The following DNTT variants were observed in gnomAD, a reference collection of about 807,000 sequenced individuals.
DNTT encodes DNA nucleotidylexotransferase.
In DNTT, 47 loss-of-function variants were observed where a neutral mutation model predicts 60.9. The observed-to-expected ratio is 0.77, with a 90% confidence interval of 0.61 to 0.98. The LOEUF is 0.98. Among genes scored for constraint, DNTT ranks in the 50% least tolerant of loss-of-function variants. DNTT has a pLI of 0.00. For synonymous variants in DNTT, 224 were observed against 221.2 expected (o/e 1.01, Z -0.11); for missense variants, 665 against 627.5 (o/e 1.06, Z -0.64).
chr10:96,309,993 C>T (rs186909977), intron 1 of DNTT, among the ~76,000 whole-genome samples: 23 of 152,326 alleles, frequency 1.5e-4, no homozygotes, highest in Admixed American at 1.4e-3. Flanking sequence ...AGAGGTAACT[C>T]CGACTTTCAG....
chr10:96,328,529 A>G (rs1033242575), intron 7 of DNTT, among the ~76,000 whole-genome samples, 196 bp from the exon 8 acceptor site: 2 of 152,192 alleles, frequency 1.3e-5, no homozygotes, highest in African/African-American at 4.8e-5. Context: ...CATGCTATGT[A>G]TGACTTTTTC....
At chr10:96,328,245 T>A (rs1195610753) in intron 7 of DNTT, among the ~76,000 whole-genome samples, 1 of 152,226 alleles carries the variant, frequency 6.6e-6, no homozygotes, top group East Asian at 1.9e-4. Flanking sequence ...CTCTACCTCT[T>A]TCTCCAGCCC....
chr10:96,334,580 T>G (rs561576119), intron 9 of DNTT, among the ~76,000 whole-genome samples: 2 of 152,316 alleles, frequency 1.3e-5, no homozygotes, highest in East Asian at 3.9e-4. Flanking sequence ...CAGCCGTGGG[T>G]TAAATGTCAG....
chr10:96,322,554 C>A (rs1004879711), intron 4 of DNTT, 103 bp from the exon 5 acceptor site: 22 of 790,694 alleles, frequency 2.8e-5, no homozygotes, highest in Non-Finnish European at 3.8e-5. Flanking sequence ...GTGATGCATG[C>A]ACATTTCATG....
chr10:96,304,579 C>T lies in DNTT; in HGVS notation c.82C>T (p.Gln28Ter). 1.2e-6 allele frequency: 2 copies of T among 1,614,138 alleles called. No homozygotes were observed. Among genetic ancestry groups the T allele is most frequent in the Non-Finnish European group, 1.7e-6 (2 of 1,180,024 alleles). The stretch of plus-strand genomic sequence containing the variant: ...GGGTGCCTTGATGGCCTCCTCTCCT[C>T]AAGACATCAAATTTCAAGATTTGGT... Reference protein sequence around the residue: ...QTGALMASSPQDIKFQDLVVF... With the variant: ...QTGALMASSP The change falls in exon 1 of 11, where the codon CAA becomes TAA. Residue 28 changes from glutamine to a stop codon, truncating the protein, a stop_gained. Coordinates refer to ENST00000371174, the MANE Select transcript of DNTT (RefSeq NM_004088.4). LOFTEE classifies it high-confidence loss of function.
intron 8 of DNTT, 139 bp downstream of exon 8, chr10:96,328,969 T>C (rs1844972920): frequency 7.3e-6 from 6 of 821,184 alleles, no homozygotes; most frequent in East Asian, 5.3e-5. Context: ...CAAAGCCATA[T>C]GACCTACAAT....
intron 1 of DNTT, among the ~76,000 whole-genome samples, chr10:96,313,166 C>T (rs1397560824): frequency 2.6e-5 from 4 of 152,168 alleles, no homozygotes; most frequent in South Asian, 2.1e-4. Context: ...CACTAACAAT[C>T]GGTCATGGCC....
At chr10:96,316,518 G>A (rs1455330736) in intron 1 of DNTT, among the ~76,000 whole-genome samples, 1 of 152,106 alleles carries the variant, frequency 6.6e-6, no homozygotes, top group Non-Finnish European at 1.5e-5. Context: ...TCCTCAACAG[G>A]CTTCTAAGAC....
At position 96,310,885 on chromosome 10, in the gene DNTT, TAATA is replaced by T. The variant is rs3838343; in HGVS notation, c.203+6190_203+6193del. ...AGTATTAATTTTGTAATCAGCAACA[TAATA>T]AATATTTTATTTTTATAAATTCAAG... On this transcript the variant is annotated intron_variant, in intron 1 of 10. Coordinates refer to ENST00000371174, the MANE Select transcript of DNTT (RefSeq NM_004088.4). 1.7e-4 allele frequency among the ~76,000 whole-genome samples: 26 copies of T among 152,348 alleles called. No individual in the cohort carries two copies. The East Asian group carries it at 3.5e-3, about 20-fold the overall frequency.
intron 8 of DNTT, among the ~76,000 whole-genome samples, chr10:96,329,238 T>G (rs921292786): frequency 5.3e-5 from 8 of 152,234 alleles, no homozygotes; most frequent in African/African-American, 1.9e-4. Context: ...GTGTTGATAG[T>G]GCCTCGATAG....
chr10:96,332,650 C>G (rs568781663), intron 9 of DNTT, 54 bp downstream of exon 9: 5 of 1,589,532 alleles, frequency 3.1e-6, no homozygotes, highest in Non-Finnish European at 4.3e-6. Context: ...AGACGTAGGC[C>G]GAGTCTACCT....
intron 6 of DNTT, among the ~76,000 whole-genome samples, chr10:96,326,291 G>C (rs987581713): frequency 9.9e-5 from 15 of 151,330 alleles, no homozygotes; most frequent in Admixed American, 1.3e-4. Flanking sequence ...AAATGGCCAT[G>C]TTGCAATAAT....
chr10:96,318,231 A>C, intron 1 of DNTT, 121 bp from the exon 2 acceptor site: 1 of 1,168,776 alleles, frequency 8.6e-7, no homozygotes, highest in Non-Finnish European at 1.2e-6. Context: ...CTCCACACCT[A>C]TGGTTAGGTC....
chr10:96,324,969 C>T (rs2133991174), intron 6 of DNTT, among the ~76,000 whole-genome samples: 1 of 152,236 alleles, frequency 6.6e-6, no homozygotes, highest in East Asian at 1.9e-4. Flanking sequence ...TATACCCAAC[C>T]AGGACTCTTT....
Position 96,318,407 on chromosome 10 carries a change from T to C in DNTT, c.259T>C (p.Trp87Arg), listed in dbSNP as rs1054224152. 11 of 1,613,582 alleles carry C rather than the reference T, an allele frequency of 6.8e-6. No homozygotes were observed. Among genetic ancestry groups the C allele is most frequent in the Non-Finnish European group, 9.3e-6 (11 of 1,179,716 alleles). ...ENNSGSDVLE[W>R]LQAQKVQVSS... Reference sequence around the variant, plus strand: ...CAACTCGGGTTCGGATGTTCTGGAGTGGCTTCAAGCACAGAAAGTACAAGT... The same window carrying C: ...CAACTCGGGTTCGGATGTTCTGGAGCGGCTTCAAGCACAGAAAGTACAAGT... Residue 87 changes from tryptophan (W) to arginine (R), a missense_variant, in exon 2 of 11, where the codon TGG (tryptophan) becomes CGG (arginine). By Grantham distance (101) the Trp-to-Arg change is moderately radical (BLOSUM62 -3). Coordinates refer to ENST00000371174, the MANE Select transcript of DNTT (RefSeq NM_004088.4).
chr10:96,306,092 A>AT lies in DNTT; in HGVS notation c.203+1411dup, dbSNP rs66877330. Among the ~76,000 whole-genome samples, 1,222 of 131,464 alleles carry AT rather than the reference A, an allele frequency of 9.3e-3. 8 individuals are homozygous for AT. The highest frequency in any genetic ancestry group is 0.016 in the East Asian group (72 of 4,494). 86.2% of individuals were successfully genotyped at this position (131,464 alleles called of 152,430 possible). A position where few individuals can be genotyped will look rare whatever the true frequency, so the allele number is the denominator to read the frequency against. On this transcript the variant is annotated intron_variant, in intron 1 of 10. Transcript: ENST00000371174. ...ATAGGTAAAGAAGCCAAAAAAATAGATTTTTTTTTTTTTTTTTTTGAGACA... is the reference window on the plus strand; with the variant it reads ...ATAGGTAAAGAAGCCAAAAAAATAGATTTTTTTTTTTTTTTTTTTTGAGACA...
chr10:96,333,400 A>T (rs1845031008), intron 9 of DNTT, among the ~76,000 whole-genome samples: 1 of 152,236 alleles, frequency 6.6e-6, no homozygotes, highest in African/African-American at 2.4e-5. Flanking sequence ...GGAAAATAGT[A>T]TGGAAGTTCC....
chr10:96,338,178 C>G lies in DNTT; in HGVS notation c.1484C>G (p.Ala495Gly). The change falls in exon 11 of 11, where the codon GCG becomes GGG. Residue 495 changes from alanine (A) to glycine (G), a missense_variant. Physicochemically the swap from Ala to Gly is moderately conservative, Grantham distance 60 (BLOSUM62 0). Transcript: ENST00000371174. ...GCAGAAAGTGAAGAAGAAATTTTTG[C>G]GCATCTGGGATTGGATTATATTGAA... ...LKAESEEEIF[A>G]HLGLDYIEPW... is the part of the protein sequence containing the mutation. 6.2e-7 allele frequency: 1 copy of G among 1,612,844 alleles called. No homozygotes were observed. Among genetic ancestry groups the G allele is most frequent in the South Asian group, 1.1e-5 (1 of 90,628 alleles).
At chr10:96,314,178 C>G (rs1355314990) in intron 1 of DNTT, among the ~76,000 whole-genome samples, 1 of 152,080 alleles carries the variant, frequency 6.6e-6, no homozygotes, top group African/African-American at 2.4e-5. Flanking sequence ...TGTATTTCTG[C>G]CCTTGGGAGG....
Sources: gnomAD v4.1 joint callset for allele counts (sites outside exome capture counted in the v4.1 genomes callset) on GRCh38, gnomAD v4.1.1 for gene constraint, MANE v1.5 for transcripts, NCBI Gene and HGNC (gene_info 2026-07-23, HGNC 2026-07-21) for gene names.